Variants in AARS1 observed in about 807,000 individuals in gnomAD.
AARS1 encodes the protein alanine--tRNA ligase, cytoplasmic.
Under a neutral mutation model 108.9 loss-of-function variants are expected in AARS1, and 72 were observed. The ratio of observed to expected loss-of-function variants is 0.66; its 90% CI spans 0.55 to 0.80. The LOEUF (loss-of-function observed/expected upper bound fraction) is 0.80. Ranked by LOEUF, AARS1 falls within the 30% of genes least tolerant of loss-of-function variation. The probability of loss-of-function intolerance (pLI) is 0.00; values close to 1 mark genes in which losing one functional copy is unlikely to be tolerated. For synonymous variants in AARS1, 489 were observed against 465.7 expected (o/e 1.05, Z -0.64); for missense variants, 1,193 against 1,233.2 (o/e 0.97, Z 0.49).
intron 2 of AARS1, among the ~76,000 whole-genome samples, chr16:70,281,856 A>G (rs1960703718): frequency 6.6e-6 from 1 of 151,758 alleles, no homozygotes; most frequent in African/African-American, 2.4e-5. Context: ...TCTCTCTAAA[A>G]AATAATAATA....
intron 2 of AARS1, among the ~76,000 whole-genome samples, chr16:70,280,077 T>G (rs1316679310): frequency 1.3e-5 from 2 of 152,046 alleles, no homozygotes; most frequent in Non-Finnish European, 2.9e-5. Flanking sequence ...CTTTAATTTT[T>G]CTTTAATTTT....
intron 4 of AARS1, among the ~76,000 whole-genome samples, chr16:70,272,684 T>C (rs1485077902): frequency 2.6e-5 from 4 of 151,268 alleles, no homozygotes; most frequent in Admixed American, 1.3e-4. Flanking sequence ...ATGAAAACGC[T>C]GGCCACGCGC....
intron 15 of AARS1, 71 bp from the exon 16 acceptor site, chr16:70,255,907 G>T: frequency 7.1e-7 from 1 of 1,402,534 alleles, no homozygotes; most frequent in Non-Finnish European, 9.9e-7. Flanking sequence ...TCACACTAGC[G>T]GACAAGAGAA....
intron 2 of AARS1, among the ~76,000 whole-genome samples, chr16:70,281,165 C>T (rs1052509061): frequency 6.6e-6 from 1 of 152,106 alleles, no homozygotes; most frequent in African/African-American, 2.4e-5. Context: ...CCCAAATAAA[C>T]CGTACTAACT....
At chr16:70,288,154 G>A (rs1960907221) in intron 1 of AARS1, among the ~76,000 whole-genome samples, 1 of 135,150 alleles carries the variant, frequency 7.4e-6, no homozygotes, top group African/African-American at 2.9e-5. Context: ...GCAGGCTGGA[G>A]TGCAGTGGCG....
chr16:70,281,118 C>T (rs924818199), intron 2 of AARS1, among the ~76,000 whole-genome samples: 10 of 152,234 alleles, frequency 6.6e-5, no homozygotes, highest in Admixed American at 6.6e-4. Flanking sequence ...GTGTGAGCCA[C>T]TGCGCCCAGC....
chr16:70,282,282 T>C (rs1960716158), intron 2 of AARS1, among the ~76,000 whole-genome samples: 2 of 147,576 alleles, frequency 1.4e-5, no homozygotes, highest in Non-Finnish European at 3.0e-5. Context: ...TGAGCCGAGA[T>C]TGCACCACTG....
rs117030089 is a variant in AARS1 at position 70,273,491 on chromosome 16, G to A, written c.480-1519C>T. 1.1e-3 allele frequency among the ~76,000 whole-genome samples: 165 copies of A among 152,278 alleles called. 6 individuals carry two copies. The East Asian group carries it at 0.027, about 25-fold the overall frequency. ...CCAGCAATTTGAAAGGTCAAGGCAGGTAGATCGCTTGAGCTCAGGAGTTCA... is the reference window on the plus strand; with the variant it reads ...CCAGCAATTTGAAAGGTCAAGGCAGATAGATCGCTTGAGCTCAGGAGTTCA... On this transcript the variant is annotated intron_variant, in intron 4 of 20. Coordinates refer to ENST00000261772, the MANE Select transcript of AARS1 (RefSeq NM_001605.3).
chr16:70,266,051 C>G (rs540396658), intron 9 of AARS1, among the ~76,000 whole-genome samples: 1 of 152,162 alleles, frequency 6.6e-6, no homozygotes, highest in African/African-American at 2.4e-5. Flanking sequence ...CTGTGGCTCA[C>G]GCCTGTAATC....
intron 10 of AARS1, 120 bp from the exon 11 acceptor site, chr16:70,265,222 G>A (rs1960234640): frequency 7.7e-7 from 1 of 1,290,704 alleles, no homozygotes. Flanking sequence ...TTCAATCCTG[G>A]CACTACTGAC....
chr16:70,252,840 T>C lies in AARS1; in HGVS notation c.2788A>G (p.Lys930Glu), dbSNP rs1959875137. Residue 930 changes from lysine to glutamate, a missense_variant, in exon 21 of 21, where the codon AAA becomes GAA. Physicochemically the swap from Lys to Glu is moderately conservative, Grantham distance 56. Transcript: ENST00000261772. ...GCAGACACATCCTTGCCACCACCTT[T>C]ACCGTCCATCAAGCCTGACACCTGC... Reference protein sequence around the residue: ...VQQVSGLMDGKGGGKDVSAQA... With the variant: ...VQQVSGLMDGEGGGKDVSAQA... 1 of 1,614,156 alleles carries C rather than the reference T, an allele frequency of 6.2e-7. No homozygotes were observed. The highest frequency in any genetic ancestry group is 8.5e-7 in the Non-Finnish European group (1 of 1,179,984).
At position 70,254,244 on chromosome 16, in the gene AARS1, C is replaced by T. The variant is rs1959922944; in HGVS notation, c.2401-206G>A. The T allele has an allele frequency of 4.4e-6, 3 of 678,904 alleles. No homozygotes were observed. In the Admixed American group the frequency reaches 7.1e-5, roughly 16 times the overall value. 42.1% of individuals were successfully genotyped at this position (678,904 alleles called of 1,614,324 possible). A position where few individuals can be genotyped will look rare whatever the true frequency, so the allele number is the denominator to read the frequency against. On this transcript the variant is annotated intron_variant, in intron 17 of 20. Coordinates refer to ENST00000261772, the MANE Select transcript of AARS1 (RefSeq NM_001605.3). ...GAAAGGAGCAGCAGAAAGCTGGGCT[C>T]CCAAATCAGGCCCGGTCCTTACCAG...
intron 2 of AARS1, among the ~76,000 whole-genome samples, chr16:70,277,536 A>G (rs1029580260): frequency 6.6e-6 from 1 of 152,144 alleles, no homozygotes; most frequent in Non-Finnish European, 1.5e-5. Context: ...TTCACTTGGC[A>G]GTAAATGTGA....
In AARS1 at chr16:70,258,173, G is replaced by A. The variant is rs1960038459; in HGVS notation, c.2037C>T (p.Ile679=). 1 of 1,607,260 alleles carries A rather than the reference G, an allele frequency of 6.2e-7. No individual in the cohort carries two copies. The highest frequency in any genetic ancestry group is 8.5e-7 in the Non-Finnish European group (1 of 1,176,560). Residue 679 remains isoleucine, a synonymous_variant, in exon 15 of 21, where the codon ATC becomes ATT. Transcript: ENST00000261772. Reference sequence around the variant, plus strand: ...CATCAAACACAGCCCGTAGGCCCTGGATGGCTTTCGCTGCTGCCAGGGGGC... The same window carrying A: ...CATCAAACACAGCCCGTAGGCCCTGAATGGCTTTCGCTGCTGCCAGGGGGC... The part of the protein sequence containing the change: ...QDCPLAAAKA[I]QGLRAVFDET...
intron 7 of AARS1, among the ~76,000 whole-genome samples, 153 bp from the exon 8 acceptor site, chr16:70,268,532 C>G (rs1960320155): frequency 6.6e-6 from 1 of 152,200 alleles, no homozygotes; most frequent in Non-Finnish European, 1.5e-5. Flanking sequence ...AATTTTAGCA[C>G]AAGACTCAGT....
chr16:70,281,621 G>GA (rs1960698118), intron 2 of AARS1, among the ~76,000 whole-genome samples: 1 of 152,108 alleles, frequency 6.6e-6, no homozygotes, highest in African/African-American at 2.4e-5. Context: ...AGCCAAGATC[G>GA]TGCCACTGCA....
intron 1 of AARS1, 27 bp downstream of exon 1, chr16:70,289,394 C>G: frequency 2.6e-6 from 1 of 377,576 alleles, no homozygotes; most frequent in South Asian, 1.9e-5. Flanking sequence ...TCTCCTAGCA[C>G]CGCAGAGCTC....
chr16:70,258,845 G>A (rs1420124923), intron 14 of AARS1, 135 bp downstream of exon 14: 12 of 1,076,868 alleles, frequency 1.1e-5, no homozygotes, highest in East Asian at 9.8e-5. Context: ...GTGAGCTACC[G>A]TGCCCAGCCT....
chr16:70,268,015 A>G (rs1960306816), intron 8 of AARS1, among the ~76,000 whole-genome samples: 1 of 152,202 alleles, frequency 6.6e-6, no homozygotes, highest in South Asian at 2.1e-4. Flanking sequence ...TAAAACAGAA[A>G]AGATTAGCCA....
Sources: allele counts gnomAD v4.1 joint callset (sites outside exome capture counted in the v4.1 genomes callset), GRCh38; gene constraint gnomAD v4.1.1; transcripts MANE v1.5; gene names NCBI Gene and HGNC (gene_info 2026-07-23, HGNC 2026-07-21).